C22orf15: variants seen among roughly 807,000 people sequenced by gnomAD.
The protein encoded by C22orf15 is uncharacterized protein C22orf15.
Under a neutral mutation model 20.3 loss-of-function variants are expected in C22orf15, and 21 were observed. The ratio of observed to expected loss-of-function variants is 1.04; its 90% confidence interval spans 0.74 to 1.49. C22orf15 has a LOEUF of 1.49. Among genes scored for constraint, C22orf15 ranks in the 40% most tolerant of loss-of-function variants. The pLI, the probability that C22orf15 is intolerant of heterozygous loss-of-function variation, is 0.00. For synonymous variants in C22orf15, 78 were observed against 75.4 expected, an observed-to-expected ratio of 1.03 and a Z score of -0.18; for missense variants, 170 against 191.1, an observed-to-expected ratio of 0.89 and a Z score of 0.65.
chr22:23,764,366 G>A lies in C22orf15; in HGVS notation c.219G>A (p.Glu73=). Residue 73 remains glutamate, a synonymous_variant, in exon 3 of 6, where the codon GAG becomes GAA. Coordinates refer to ENST00000402217, the MANE Select transcript of C22orf15 (RefSeq NM_182520.3). The stretch of plus-strand genomic sequence containing the variant: ...CCATGGGCAACTCCCTACTGAAGGA[G>A]CGAGCCATATATGTCCTCGTTCGGA... The part of the protein sequence containing the change: ...AQTMGNSLLK[E]RAIYVLVRII... 1 of 1,552,356 alleles carries A rather than the reference G, an allele frequency of 6.4e-7. No homozygotes were observed. The highest frequency in any genetic ancestry group is 1.4e-5 in the African/African-American group (1 of 73,178).
chr22:23,763,071 A>C lies in C22orf15; in HGVS notation c.-236A>C. On this transcript the variant is annotated 5_prime_UTR_variant, in exon 1 of 6. Transcript: ENST00000402217. ...GTGGCCCAGGGCTCAGTGGGGAGGA[A>C]GAGGAGGCCAGGAGTCTTGGACTAG... 2 of 543,358 alleles carry C rather than the reference A, an allele frequency of 3.7e-6. No individual in the cohort carries two copies. Among genetic ancestry groups the C allele is most frequent in the East Asian group, 3.4e-5 (1 of 29,166 alleles). The allele number at this position is 543,358 out of a possible 1,614,324, so 33.7% of individuals were successfully genotyped here.
Position 23,764,831 on chromosome 22 carries a change from C to T in C22orf15, c.364C>T (p.His122Tyr), listed in dbSNP as rs1926476073. Residue 122 changes from histidine (H) to tyrosine (Y), a missense_variant, in exon 5 of 6, where the codon CAC (histidine) becomes TAC (tyrosine). His to Tyr is a moderately conservative substitution (Grantham distance 83). Transcript: ENST00000402217. The stretch of plus-strand genomic sequence containing the variant: ...GCTGTCAGGCCTCTCCTCTGTGGGC[C>T]ACAACTGGAGGAAGCGTATGGGCAC... ...RRLSGLSSVG[H>Y]NWRKRMGTRR... The T allele has an allele frequency of 3.1e-6, 5 of 1,613,994 alleles. No homozygotes were observed. In the East Asian group the frequency reaches 1.1e-4, roughly 36 times the overall value.
At position 23,764,189 on chromosome 22, in the gene C22orf15, G is replaced by A; in HGVS notation, c.112+16G>A. ...CCCCCAGATGGTGAGGAGACAGGGA[G>A]GAGAAGGAGGGGCTGAGGGGTCCCA... On this transcript the variant is annotated intron_variant, in intron 2 of 5. Transcript: ENST00000402217. 3 of 1,551,686 alleles carry A rather than the reference G, an allele frequency of 1.9e-6. No individual in the cohort carries two copies. The highest frequency in any genetic ancestry group is 2.6e-6 in the Non-Finnish European group (3 of 1,146,962).
intron 5 of C22orf15, chr22:23,765,274 C>T: frequency 6.6e-7 from 1 of 1,513,160 alleles, no homozygotes; most frequent in Non-Finnish European, 8.9e-7. Context: ...AGGGCTTGTT[C>T]TTCCATTCTG....
intron 5 of C22orf15, 189 bp downstream of exon 5, chr22:23,765,091 C>G: frequency 1.4e-6 from 2 of 1,441,956 alleles, no homozygotes; most frequent in Non-Finnish European, 1.8e-6. Flanking sequence ...TACCCTGAGA[C>G]AGGTCCCCAC....
chr22:23,764,483 G>C (rs764707584), intron 3 of C22orf15, 86 bp downstream of exon 3: 1 of 1,597,442 alleles, frequency 6.3e-7, no homozygotes, highest in Non-Finnish European at 8.6e-7. Context: ...CCAAGGCCCT[G>C]TCCGGCCTCC....
intron 1 of C22orf15, 28 bp downstream of exon 1, chr22:23,763,359 C>A: frequency 6.5e-7 from 1 of 1,540,484 alleles, no homozygotes; most frequent in Non-Finnish European, 8.8e-7. Context: ...TCTTGGTAGG[C>A]GGATAGGGGG....
At position 23,764,300 on chromosome 22, in the gene C22orf15, C is replaced by G; in HGVS notation, c.153C>G (p.Ser51Arg). 1 of 1,551,636 alleles carries G rather than the reference C, an allele frequency of 6.4e-7. No homozygotes were observed. Among genetic ancestry groups the G allele is most frequent in the Non-Finnish European group, 8.7e-7 (1 of 1,146,964 alleles). ...TGGCTGAGGATGGCAACCTAGTGAGCCTGGAGGAGGACCTGAAGGAAGGGG... is the reference window on the plus strand; with the variant it reads ...TGGCTGAGGATGGCAACCTAGTGAGGCTGGAGGAGGACCTGAAGGAAGGGG... ...ALLAEDGNLVSLEEDLKEGAS... is the reference protein window; with the variant it reads ...ALLAEDGNLVRLEEDLKEGAS... The change falls in exon 3 of 6, where the codon AGC becomes AGG. Residue 51 changes from serine (S) to arginine (R), a missense_variant. Coordinates refer to ENST00000402217, the MANE Select transcript of C22orf15 (RefSeq NM_182520.3).
At chr22:23,764,575 G>A (rs1353351274) in intron 3 of C22orf15, 64 bp from the exon 4 acceptor site, 1 of 1,583,296 alleles carries the variant, frequency 6.3e-7, no homozygotes, top group Non-Finnish European at 8.7e-7. Context: ...GTTCCAGAGT[G>A]AGAGGCAGAG....
Position 23,763,078 on chromosome 22 carries a change from GC to G in C22orf15, c.-227del. On this transcript the variant is annotated 5_prime_UTR_variant, in exon 1 of 6. The change abolishes the stop of an existing upstream ORF in the 5' untranslated region. Transcript: ENST00000402217. ...AGGGCTCAGTGGGGAGGAAGAGGAG[GC>G]CAGGAGTCTTGGACTAGCTGCAGGG... 1.8e-6 allele frequency: 1 copy of G among 566,188 alleles called. No homozygotes were observed. Among genetic ancestry groups the G allele is most frequent in the East Asian group, 3.3e-5 (1 of 30,738 alleles). The allele number at this position is 566,188 out of a possible 1,614,324, so 35.1% of individuals were successfully genotyped here.
At chr22:23,765,277 C>A in intron 5 of C22orf15, 1 of 1,515,294 alleles carries the variant, frequency 6.6e-7, no homozygotes, top group South Asian at 1.3e-5. Flanking sequence ...GCTTGTTCTT[C>A]CATTCTGGCA....
chr22:23,764,253 C>T lies in C22orf15; in HGVS notation c.113-7C>T, dbSNP rs1926256078. The T allele has an allele frequency of 3.9e-6, 6 of 1,551,622 alleles. No homozygotes were observed. The highest frequency in any genetic ancestry group is 5.2e-6 in the Non-Finnish European group (6 of 1,146,950). Reference sequence around the variant, plus strand: ...GCCCTGCCCAGTCTCTCTCCATGTCCTCCCAGCGACCATTGCTCTCCTGGC... The same window carrying T: ...GCCCTGCCCAGTCTCTCTCCATGTCTTCCCAGCGACCATTGCTCTCCTGGC... On this transcript the variant is annotated splice_polypyrimidine_tract_variant and splice_region_variant and intron_variant, in intron 2 of 5. Coordinates refer to ENST00000402217, the MANE Select transcript of C22orf15 (RefSeq NM_182520.3).
In C22orf15 at chr22:23,764,068, C is replaced by A; in HGVS notation, c.26-19C>A. On this transcript the variant is annotated intron_variant, in intron 1 of 5. Coordinates refer to ENST00000402217, the MANE Select transcript of C22orf15 (RefSeq NM_182520.3). ...GAAGGTAAGAGATCTCACAGGCTCA[C>A]CTTTGCCCCTCTCCACAGCTGGCTG... 1.3e-6 allele frequency: 2 copies of A among 1,549,612 alleles called. No homozygotes were observed. The highest frequency in any genetic ancestry group is 2.4e-5 in the East Asian group (1 of 40,926).
chr22:23,763,087 C>T lies in C22orf15; in HGVS notation c.-220C>T, dbSNP rs2330621. ...TGGGGAGGAAGAGGAGGCCAGGAGT[C>T]TTGGACTAGCTGCAGGGTTTGAGCT... On this transcript the variant is annotated 5_prime_UTR_variant, in exon 1 of 6. Coordinates refer to ENST00000402217, the MANE Select transcript of C22orf15 (RefSeq NM_182520.3). The T allele has an allele frequency of 0.017, 9,709 of 587,220 alleles. 207 individuals carry two copies. The highest frequency in any genetic ancestry group is 0.077 in the East Asian group (2,448 of 31,592). 36.4% of individuals were successfully genotyped at this position (587,220 alleles called of 1,614,324 possible).
Position 23,763,324 on chromosome 22 carries a change from G to A in C22orf15, c.18G>A (p.Met6Ile), listed in dbSNP as rs776543409. ...CTGCAGCTATGTTTATCAAGGTGAT[G>A]TTTGGGGGTAAGTGGGGTCCCCTGT... MFIKV[M>I]FGAGCSVLVN... Residue 6 changes from methionine (M) to isoleucine (I), a missense_variant, in exon 1 of 6, where the codon ATG (methionine) becomes ATA (isoleucine). By Grantham distance (10) the Met-to-Ile change is conservative. Transcript: ENST00000402217. 8.4e-6 allele frequency: 13 copies of A among 1,549,778 alleles called. No homozygotes were observed. In the Middle Eastern group the frequency reaches 5.2e-4, roughly 62 times the overall value.
At chr22:23,763,431 G>A (rs1926038789) in intron 1 of C22orf15, 100 bp downstream of exon 1, 1 of 1,178,184 alleles carries the variant, frequency 8.5e-7, no homozygotes, top group Non-Finnish European at 1.2e-6. Context: ...GCAATGGCGG[G>A]AAAGGGGGGT....
Position 23,764,098 on chromosome 22 carries a change from G to A in C22orf15, c.37G>A (p.Val13Met). The A allele has an allele frequency of 6.4e-7, 1 of 1,550,830 alleles. No homozygotes were observed. The highest frequency in any genetic ancestry group is 2.0e-5 in the Admixed American group (1 of 51,008). Reference sequence around the variant, plus strand: ...GCCCCTCTCCACAGCTGGCTGCTCGGTGCTGGTGAACACCTCTTGCAGGCT... The same window carrying A: ...GCCCCTCTCCACAGCTGGCTGCTCGATGCTGGTGAACACCTCTTGCAGGCT... Reference protein sequence around the residue: ...IKVMFGAGCSVLVNTSCRLVN... With the variant: ...IKVMFGAGCSMLVNTSCRLVN... Residue 13 changes from valine to methionine, a missense_variant, in exon 2 of 6, where the codon GTG becomes ATG. Val to Met is a conservative substitution (Grantham distance 21). Transcript: ENST00000402217.
At position 23,764,412 on chromosome 22, in the gene C22orf15, G is replaced by A. The variant is rs1218254886; in HGVS notation, c.250+15G>A. 4 of 1,575,868 alleles carry A rather than the reference G, an allele frequency of 2.5e-6. No homozygotes were observed. Among genetic ancestry groups the A allele is most frequent in the South Asian group, 2.3e-5 (2 of 86,532 alleles). Reference sequence around the variant, plus strand: ...TCGGATCATCAGTAAGGTGGCCCAAGGTTCTCTCCCCTGCAGCTATGGTAG... The same window carrying A: ...TCGGATCATCAGTAAGGTGGCCCAAAGTTCTCTCCCCTGCAGCTATGGTAG... On this transcript the variant is annotated intron_variant, in intron 3 of 5. Coordinates refer to ENST00000402217, the MANE Select transcript of C22orf15 (RefSeq NM_182520.3).
At chr22:23,765,287 A>G (rs1011247783) in intron 5 of C22orf15, 5 of 1,523,736 alleles carry the variant, frequency 3.3e-6, no homozygotes, top group Non-Finnish European at 4.4e-6. Context: ...CCATTCTGGC[A>G]GGCTTGGGGA....
Sources: allele counts gnomAD v4.1 joint callset, GRCh38; gene constraint gnomAD v4.1.1; transcripts MANE v1.5; gene names NCBI Gene and HGNC (gene_info 2026-07-23, HGNC 2026-07-21).